The following SHISA9 variants were observed in gnomAD, a reference collection of about 807,000 sequenced individuals.
SHISA9 encodes the protein protein shisa-9.
In SHISA9, 13 loss-of-function variants were observed where a neutral mutation model predicts 38.0. That is an observed-to-expected ratio of 0.34 (90% CI 0.22 to 0.54). SHISA9 has a LOEUF of 0.54. Among genes scored for constraint, SHISA9 ranks in the 20% least tolerant of loss-of-function variants. SHISA9 has a pLI of 0.91. For synonymous variants in SHISA9, 275 were observed against 242.0 expected (o/e 1.14, Z -1.27); for missense variants, 538 against 575.8 (o/e 0.93, Z 0.67).
intron 2 of SHISA9, among the ~76,000 whole-genome samples, chr16:13,036,634 T>G (rs1176481357): frequency 6.6e-6 from 1 of 152,086 alleles, no homozygotes; most frequent in African/African-American, 2.4e-5. Flanking sequence ...CATAACTCCA[T>G]AAAGTTGATT....
chr16:13,310,886 G>A, the SHISA9 span, among the ~76,000 whole-genome samples: 6 of 152,046 alleles, frequency 3.9e-5, no homozygotes, highest in African/African-American at 1.4e-4. Context: ...GTTTCATCCT[G>A]TTGGCCAGGA....
At chr16:13,274,803 A>G in the SHISA9 span, among the ~76,000 whole-genome samples, 2 of 152,184 alleles carry the variant, frequency 1.3e-5, no homozygotes, top group Admixed American at 6.6e-5. Context: ...AAATCCAGTG[A>G]AATCTAACGT....
chr16:13,034,150 A>G (rs1477548058), intron 2 of SHISA9, among the ~76,000 whole-genome samples: 1 of 146,176 alleles, frequency 6.8e-6, no homozygotes, highest in Non-Finnish European at 1.5e-5. Context: ...CCATCTCAAA[A>G]AAAAAAAAAA....
At chr16:13,453,492 T>C in the SHISA9 span, among the ~76,000 whole-genome samples, 1 of 152,182 alleles carries the variant, frequency 6.6e-6, no homozygotes, top group East Asian at 1.9e-4. Flanking sequence ...CTTGAATCCC[T>C]GCCATGGTCA....
intron 2 of SHISA9, among the ~76,000 whole-genome samples, chr16:13,099,931 T>C (rs2073862382): frequency 6.6e-6 from 1 of 152,216 alleles, no homozygotes; most frequent in Non-Finnish European, 1.5e-5. Context: ...TCTGAGCCTT[T>C]TGTCCCTGAA....
At chr16:13,336,020 T>C in the SHISA9 span, among the ~76,000 whole-genome samples, 1 of 152,212 alleles carries the variant, frequency 6.6e-6, no homozygotes, top group Non-Finnish European at 1.5e-5. Context: ...ACAGTCACCA[T>C]ATGGGTAGTT....
intron 2 of SHISA9, among the ~76,000 whole-genome samples, chr16:13,086,274 G>C (rs2073709257): frequency 6.9e-6 from 1 of 144,562 alleles, no homozygotes; most frequent in Admixed American, 7.2e-5. Context: ...AGAATTGCTT[G>C]AACCCGGGAG....
At chr16:13,485,841 C>T in the SHISA9 span, among the ~76,000 whole-genome samples, 1 of 152,230 alleles carries the variant, frequency 6.6e-6, no homozygotes. Context: ...CTCTCTATCT[C>T]TATGAGATCC....
chr16:13,493,778 C>T, the SHISA9 span, among the ~76,000 whole-genome samples: 3 of 152,096 alleles, frequency 2.0e-5, no homozygotes, highest in Admixed American at 1.3e-4. Context: ...TCATTCACCT[C>T]TATGTGCTAA....
At chr16:13,074,413 C>T (rs2073556708) in intron 2 of SHISA9, among the ~76,000 whole-genome samples, 1 of 152,116 alleles carries the variant, frequency 6.6e-6, no homozygotes, top group South Asian at 2.1e-4. Context: ...ATTTCTTACC[C>T]ACCCAAGGAT....
chr16:13,103,370 G>C (rs2073897263), intron 2 of SHISA9, among the ~76,000 whole-genome samples: 1 of 152,184 alleles, frequency 6.6e-6, no homozygotes, highest in Non-Finnish European at 1.5e-5. Flanking sequence ...TATACATAGA[G>C]GGAAATGATT....
chr16:13,008,360 G>A (rs1323117102), intron 2 of SHISA9, among the ~76,000 whole-genome samples: 3 of 152,110 alleles, frequency 2.0e-5, no homozygotes, highest in African/African-American at 7.2e-5. Context: ...ATAAACCATT[G>A]CACTCGAATC....
At chr16:13,494,057 C>A in the SHISA9 span, among the ~76,000 whole-genome samples, 1 of 152,054 alleles carries the variant, frequency 6.6e-6, no homozygotes, top group Non-Finnish European at 1.5e-5. Flanking sequence ...ACCTGAGATG[C>A]AAGATGTGAG....
the SHISA9 span, among the ~76,000 whole-genome samples, chr16:13,437,450 A>G: frequency 6.6e-6 from 1 of 152,144 alleles, no homozygotes; most frequent in African/African-American, 2.4e-5. Flanking sequence ...TCAATATTCC[A>G]ATTTTACGGA....
chr16:13,232,530 T>C (rs1471440966), intron 4 of SHISA9, among the ~76,000 whole-genome samples: 2 of 152,138 alleles, frequency 1.3e-5, no homozygotes, highest in African/African-American at 2.4e-5. Context: ...CAAATAGGAG[T>C]GACCATGGCC....
chr16:13,199,201 A>G (rs1188415514), intron 2 of SHISA9, among the ~76,000 whole-genome samples: 1 of 152,196 alleles, frequency 6.6e-6, no homozygotes, highest in Non-Finnish European at 1.5e-5. Context: ...ATACTGGAGG[A>G]TAATAGGCTT....
the SHISA9 span, among the ~76,000 whole-genome samples, chr16:13,480,924 C>T: frequency 6.6e-6 from 1 of 152,176 alleles, no homozygotes; most frequent in Non-Finnish European, 1.5e-5. Context: ...AGAAACAAGT[C>T]TGTTCAGTTT....
chr16:13,522,498 C>A, the SHISA9 span, among the ~76,000 whole-genome samples: 3 of 150,644 alleles, frequency 2.0e-5, no homozygotes, highest in Admixed American at 6.6e-5. Flanking sequence ...AGTGAGGAGT[C>A]CCCCCCCGAT....
chr16:13,313,304 A>G, the SHISA9 span, among the ~76,000 whole-genome samples: 1 of 152,014 alleles, frequency 6.6e-6, no homozygotes, highest in Non-Finnish European at 1.5e-5. Context: ...ATCAAGGTTT[A>G]GATATGTTAT....
Sources: gnomAD v4.1 joint callset for allele counts (sites outside exome capture counted in the v4.1 genomes callset) on GRCh38, gnomAD v4.1.1 for gene constraint, MANE v1.5 for transcripts, NCBI Gene and HGNC (gene_info 2026-07-23, HGNC 2026-07-21) for gene names.